ANKRD45: variants seen among roughly 807,000 people sequenced by gnomAD.
ANKRD45 encodes the protein ankyrin repeat domain-containing protein 45.
In ANKRD45, 21 loss-of-function variants were observed where a neutral mutation model predicts 28.1. That is an observed-to-expected ratio of 0.75 (90% CI 0.53 to 1.08). ANKRD45 has a LOEUF of 1.08. ANKRD45 is among the 50% of genes least tolerant of loss of function. The pLI, the probability that ANKRD45 is intolerant of heterozygous loss-of-function variation, is 0.00. For missense variants in ANKRD45, 261 were observed against 308.7 expected (o/e 0.85, Z 1.16); for synonymous variants, 86 against 103.9 (o/e 0.83, Z 1.05).
intron 2 of ANKRD45, 116 bp from the exon 3 acceptor site, chr1:173,647,129 C>G (rs1668973032): frequency 1.1e-6 from 1 of 945,218 alleles, no homozygotes; most frequent in African/African-American, 1.7e-5. Context: ...GGGCCAGGCA[C>G]TATTCTAACT....
chr1:173,670,306 A>G (rs1670211342), upstream of ANKRD45, among the ~76,000 whole-genome samples: 1 of 152,166 alleles, frequency 6.6e-6, no homozygotes, highest in Non-Finnish European at 1.5e-5. Context: ...CTCTTGATTC[A>G]GAAATTCAAG....
chr1:173,666,918 AT>A (rs1460935783), intron 1 of ANKRD45, among the ~76,000 whole-genome samples: 1 of 152,040 alleles, frequency 6.6e-6, no homozygotes, highest in African/African-American at 2.4e-5. Flanking sequence ...CACCAGGCTA[AT>A]TTTTTAATTT....
chr1:173,615,117 C>T (rs1239745102), intron 5 of ANKRD45, among the ~76,000 whole-genome samples: 1 of 152,134 alleles, frequency 6.6e-6, no homozygotes, highest in African/African-American at 2.4e-5. Flanking sequence ...CCGCACCCGG[C>T]CTAGATGTTG....
At chr1:173,614,275 AAAAT>A (rs1387151691) in intron 5 of ANKRD45, among the ~76,000 whole-genome samples, 1 of 151,120 alleles carries the variant, frequency 6.6e-6, no homozygotes, top group Non-Finnish European at 1.5e-5. Context: ...TAAAAAAAAA[AAAAT>A]AAATAAAATA....
the ANKRD45 span, among the ~76,000 whole-genome samples, chr1:173,679,710 T>C: frequency 2.6e-5 from 4 of 152,064 alleles, no homozygotes; most frequent in African/African-American, 9.7e-5. Context: ...CTAATTAAAC[T>C]AAAGAGCTTC....
At chr1:173,714,024 C>G in the ANKRD45 span, among the ~76,000 whole-genome samples, 1 of 152,196 alleles carries the variant, frequency 6.6e-6, no homozygotes, top group Non-Finnish European at 1.5e-5. Context: ...GTATTTTCCA[C>G]TACAAGCTAA....
intron 2 of ANKRD45, among the ~76,000 whole-genome samples, chr1:173,649,180 C>A (rs1433524068): frequency 6.6e-6 from 1 of 152,048 alleles, no homozygotes; most frequent in East Asian, 1.9e-4. Flanking sequence ...TTTGAATAAT[C>A]ATCTTATACT....
intron 5 of ANKRD45, among the ~76,000 whole-genome samples, chr1:173,613,662 C>T (rs1473308243): frequency 2.0e-5 from 3 of 147,234 alleles, no homozygotes; most frequent in Non-Finnish European, 4.4e-5. Flanking sequence ...GGTCAGCCCC[C>T]GCCTGGCCGC....
rs771637264 is a variant in ANKRD45 at position 173,659,096 on chromosome 1, G to A, written c.323C>T (p.Thr108Ile). 6 of 1,613,052 alleles carry A rather than the reference G, an allele frequency of 3.7e-6. No individual in the cohort carries two copies. The East Asian group carries it at 1.3e-4, about 36-fold the overall frequency. ...AGAGAAAAAAGACAAAATACCTCTG[G>A]TGGTTTTTTCATTCAGATTCACACC... ...KYGVNLNEKT[T>I]RGYTLLHCAA... The change falls in exon 2 of 6, where the codon ACC becomes ATC. Residue 108 changes from threonine (T) to isoleucine (I), a missense_variant. Thr to Ile is a moderately conservative substitution (Grantham distance 89). Coordinates refer to ENST00000333279, the MANE Select transcript of ANKRD45 (RefSeq NM_198493.3).
chr1:173,652,806 C>A (rs182086755), intron 2 of ANKRD45, among the ~76,000 whole-genome samples: 2 of 152,282 alleles, frequency 1.3e-5, no homozygotes, highest in East Asian at 1.9e-4. Context: ...AGTTCAACTT[C>A]TTCCTGGTTT....
chr1:173,610,358 G>T (rs1361404115), intron 5 of ANKRD45, 143 bp from the exon 6 acceptor site: 1 of 726,674 alleles, frequency 1.4e-6, no homozygotes, highest in Non-Finnish European at 2.3e-6. Context: ...AGTGTTGTTG[G>T]TATGTCATTC....
chr1:173,657,897 A>G (rs1669617234), intron 2 of ANKRD45: 1 of 151,428 alleles, frequency 6.6e-6, no homozygotes, highest in African/African-American at 2.4e-5. Flanking sequence ...TATGTTTCTT[A>G]TATTCTAATA....
intron 1 of ANKRD45, chr1:173,667,782 GA>G (rs34973970): frequency 7.3e-6 from 3 of 412,098 alleles, no homozygotes; most frequent in Non-Finnish European, 4.7e-6. Flanking sequence ...ACAATTATCT[GA>G]AAAAGCTATT....
At chr1:173,614,553 G>A (rs1302723167) in intron 5 of ANKRD45, among the ~76,000 whole-genome samples, 1 of 151,764 alleles carries the variant, frequency 6.6e-6, no homozygotes, top group African/African-American at 2.4e-5. Flanking sequence ...TTAACATATT[G>A]GACAGCCACT....
intron 1 of ANKRD45, among the ~76,000 whole-genome samples, chr1:173,663,953 A>G (rs576186161): frequency 1.3e-5 from 2 of 152,120 alleles, no homozygotes; most frequent in Non-Finnish European, 2.9e-5. Context: ...ATTTCTTTTT[A>G]AAACAAAGCA....
chr1:173,615,338 T>C (rs1006709675), intron 5 of ANKRD45, among the ~76,000 whole-genome samples: 1 of 147,316 alleles, frequency 6.8e-6, no homozygotes, highest in Admixed American at 6.9e-5. Context: ...TGAGCTGAGA[T>C]TGCGCCACTG....
the ANKRD45 span, chr1:173,715,030 G>A: frequency 1.3e-5 from 2 of 153,024 alleles, no homozygotes; most frequent in Non-Finnish European, 2.9e-5. Context: ...AGGAGTGGAG[G>A]GCGGAGTAGA....
intron 5 of ANKRD45, among the ~76,000 whole-genome samples, chr1:173,624,486 C>T (rs1432577435): frequency 1.6e-5 from 2 of 128,112 alleles, no homozygotes; most frequent in African/African-American, 8.5e-5. Context: ...GACTCTGCCT[C>T]CGGGGGAAAA....
Position 173,613,567 on chromosome 1 carries a change from C to CCCA in ANKRD45, c.731-3353_731-3352insTGG, listed in dbSNP as rs1553264321. Among the ~76,000 whole-genome samples the CCCA allele has an allele frequency of 1.4e-4, 21 of 148,228 alleles. 1 individual carries two copies. Among genetic ancestry groups the CCCA allele is most frequent in the African/African-American group, 4.5e-4 (18 of 39,794 alleles). ...GGGAGGGAGGTGGGGGGTCAGCCCC[C>CCCA]CCCCCGGCCAGCCGCCCCGTCCGGG... On this transcript the variant is annotated intron_variant, in intron 5 of 5. Transcript: ENST00000333279.
Sources: gnomAD v4.1 joint callset for allele counts (sites outside exome capture counted in the v4.1 genomes callset) on GRCh38, gnomAD v4.1.1 for gene constraint, MANE v1.5 for transcripts, NCBI Gene and HGNC (gene_info 2026-07-23, HGNC 2026-07-21) for gene names.